BTG3: variants seen among roughly 807,000 people sequenced by gnomAD.
BTG3 encodes the protein protein BTG3.
BTG3 carries 4 observed loss-of-function variants against 25.8 expected under a neutral mutation model. That is an observed-to-expected ratio of 0.16 (90% CI 0.08 to 0.36). The LOEUF (loss-of-function observed/expected upper bound fraction) is 0.36, where lower values mean the gene tolerates loss of function less well. Ranked by LOEUF, BTG3 falls within the 10% of genes least tolerant of loss-of-function variation. The pLI is 1.00. For missense variants in BTG3, 201 were observed against 304.9 expected (o/e 0.66, Z 2.54); for synonymous variants, 107 against 99.9 (o/e 1.07, Z -0.42).
rs1304935740 is a variant in BTG3 at position 17,607,008 on chromosome 21, G to GA, written c.173+1963dup. Among the ~76,000 whole-genome samples, 6 of 152,108 alleles carry GA rather than the reference G, an allele frequency of 3.9e-5. No individual in the cohort carries two copies. In the South Asian group the frequency reaches 1.0e-3, roughly 26 times the overall value. On this transcript the variant is annotated intron_variant, in intron 2 of 4. Transcript: ENST00000348354. ...TTCAACTTACAAACATTTTGTAAGAGAAAGAACACTCCACCTATTCTACAG... is the reference window on the plus strand; with the variant it reads ...TTCAACTTACAAACATTTTGTAAGAGAAAAGAACACTCCACCTATTCTACAG...
At chr21:17,594,887 A>G (rs910325577) in intron 4 of BTG3, among the ~76,000 whole-genome samples, 1 of 152,024 alleles carries the variant, frequency 6.6e-6, no homozygotes, top group African/African-American at 2.4e-5. Context: ...AAAGATAACT[A>G]TTGAGTACTG....
rs2061684173 is a variant in BTG3, at chr21:17,609,095, C to T, written c.50G>A (p.Arg17Gln). The T allele has an allele frequency of 6.2e-7, 1 of 1,613,988 alleles. No individual in the cohort carries two copies. Among genetic ancestry groups the T allele is most frequent in the South Asian group, 1.1e-5 (1 of 91,054 alleles). Reference sequence around the variant, plus strand: ...CTCTTTTTTCAACTTATCATGTTTTCGAACTAGCCTTGTGAAAAAGAAGAC... The same window carrying T: ...CTCTTTTTTCAACTTATCATGTTTTTGAACTAGCCTTGTGAAAAAGAAGAC... ...AVVFFFTRLV[R>Q]KHDKLKKEAV... The change falls in exon 2 of 5, where the codon CGA (arginine) becomes CAA (glutamine). Residue 17 changes from arginine to glutamine, a missense_variant. Coordinates refer to ENST00000348354, the MANE Select transcript of BTG3 (RefSeq NM_006806.5).
In BTG3 at chr21:17,594,181, C is replaced by T. The variant is rs747776589; in HGVS notation, c.671G>A (p.Arg224His). The T allele has an allele frequency of 9.9e-6, 16 of 1,613,156 alleles. No homozygotes were observed. Among genetic ancestry groups the T allele is most frequent in the Admixed American group, 1.7e-5 (1 of 59,922 alleles). Residue 224 changes from arginine to histidine, a missense_variant, in exon 5 of 5, where the codon CGC becomes CAC. Arg to His is a conservative substitution (Grantham distance 29, BLOSUM62 0). Transcript: ENST00000348354. ...AGGTACCCATGTCACTGGAATTGGG[C>T]GATATGGTTTATTTTTTCTTCCCTG... ...PNQGRKNKPY[R>H]PIPVTWVPPP... is the part of the protein sequence containing the mutation.
Position 17,594,346 on chromosome 21 carries a change from A to C in BTG3, c.520-14T>G. The C allele has an allele frequency of 5.6e-6, 9 of 1,608,620 alleles. No homozygotes were observed. The highest frequency in any genetic ancestry group is 7.6e-6 in the Non-Finnish European group (9 of 1,177,652). ...AAGTTCTGAAATCTGTAGGGAAGAG[A>C]ACACATTAAGTTAATTCAAAGGAAA... On this transcript the variant is annotated splice_polypyrimidine_tract_variant and intron_variant, in intron 4 of 4. Coordinates refer to ENST00000348354, the MANE Select transcript of BTG3 (RefSeq NM_006806.5).
intron 4 of BTG3, among the ~76,000 whole-genome samples, chr21:17,594,552 A>T (rs959534481): frequency 1.3e-5 from 2 of 152,058 alleles, no homozygotes; most frequent in Non-Finnish European, 2.9e-5. Flanking sequence ...GAAATGAATA[A>T]ACTCAAACAC....
chr21:17,602,360 A>C (rs1318830319), intron 3 of BTG3, among the ~76,000 whole-genome samples: 4 of 152,170 alleles, frequency 2.6e-5, no homozygotes, highest in Non-Finnish European at 5.9e-5. Flanking sequence ...AGTGCATCTC[A>C]ATTTTTTTTT....
In BTG3 at chr21:17,598,697, A is replaced by G. The variant is rs11538273; in HGVS notation, c.439T>C (p.Ser147Pro). ...KVTSDYHSGS[S>P]SSDEETSKEM... ...TTACTTGTTTCTTCATCTGAAGAAG[A>G]GGATCCTGAATGATAATCAGAGGTA... Residue 147 changes from serine (S) to proline (P), a missense_variant, in exon 4 of 5, where the codon TCT becomes CCT. Coordinates refer to ENST00000348354, the MANE Select transcript of BTG3 (RefSeq NM_006806.5). 6.2e-7 allele frequency: 1 copy of G among 1,614,084 alleles called. No homozygotes were observed. Among genetic ancestry groups the G allele is most frequent in the Non-Finnish European group, 8.5e-7 (1 of 1,179,942 alleles).
At chr21:17,609,721 C>T (rs1180452531) in intron 1 of BTG3, among the ~76,000 whole-genome samples, 1 of 152,074 alleles carries the variant, frequency 6.6e-6, no homozygotes, top group African/African-American at 2.4e-5. Context: ...ACAGAAATGC[C>T]CATAGCAGTA....
At chr21:17,599,601 T>G (rs539711528) in intron 3 of BTG3, among the ~76,000 whole-genome samples, 1 of 151,826 alleles carries the variant, frequency 6.6e-6, no homozygotes, top group Non-Finnish European at 1.5e-5. Context: ...TGCCTCAGCC[T>G]CCTAAGTAGC....
chr21:17,603,132 T>G (rs2061595023), intron 3 of BTG3, among the ~76,000 whole-genome samples: 1 of 152,206 alleles, frequency 6.6e-6, no homozygotes, highest in South Asian at 2.1e-4. Flanking sequence ...AGGAGCCAAC[T>G]AGGATCTAAG....
chr21:17,604,238 TGA>T (rs1388703823), intron 3 of BTG3: 5 of 538,366 alleles, frequency 9.3e-6, no homozygotes, highest in Non-Finnish European at 1.2e-5. Flanking sequence ...GTCAGGAGTT[TGA>T]GAGCAGTCTG....
intron 4 of BTG3, among the ~76,000 whole-genome samples, chr21:17,595,697 A>G (rs1350718435): frequency 6.7e-6 from 1 of 148,220 alleles, no homozygotes; most frequent in East Asian, 1.9e-4. Flanking sequence ...TTAAAAAAAC[A>G]ATGATACACA....
chr21:17,609,712 C>G (rs1367801017), intron 1 of BTG3, among the ~76,000 whole-genome samples: 3 of 152,130 alleles, frequency 2.0e-5, no homozygotes, highest in African/African-American at 7.2e-5. Flanking sequence ...AAACCTTGTA[C>G]AGAAATGCCC....
intron 4 of BTG3, among the ~76,000 whole-genome samples, chr21:17,594,703 T>C (rs138332248): frequency 1.4e-4 from 21 of 152,058 alleles, no homozygotes; most frequent in African/African-American, 4.6e-4. Flanking sequence ...ATACAAAACA[T>C]TGGAGCTGGA....
chr21:17,602,081 A>G (rs1434826160), intron 3 of BTG3, among the ~76,000 whole-genome samples: 2 of 152,170 alleles, frequency 1.3e-5, no homozygotes, highest in East Asian at 1.9e-4. Context: ...TAAAACATCA[A>G]GGCTAATTTA....
In BTG3 at chr21:17,595,140, G is replaced by T. The variant is rs568864735; in HGVS notation, c.520-808C>A. On this transcript the variant is annotated intron_variant, in intron 4 of 4. Coordinates refer to ENST00000348354, the MANE Select transcript of BTG3 (RefSeq NM_006806.5). ...TTCTGATGTAGCCAGTTTAGTATTTGGGAATAATAGTTTTAGATTATCCCA... is the reference window on the plus strand; with the variant it reads ...TTCTGATGTAGCCAGTTTAGTATTTTGGAATAATAGTTTTAGATTATCCCA... 2.6e-5 allele frequency among the ~76,000 whole-genome samples: 4 copies of T among 152,070 alleles called. No homozygotes were observed. The South Asian group carries it at 8.3e-4, about 32-fold the overall frequency.
At chr21:17,608,093 A>G (rs999579029) in intron 2 of BTG3, among the ~76,000 whole-genome samples, 2 of 152,226 alleles carry the variant, frequency 1.3e-5, no homozygotes, top group Non-Finnish European at 2.9e-5. Flanking sequence ...TTGGCCAGGC[A>G]TGGTGGCTCA....
rs1055963322 is a variant in BTG3, at chr21:17,612,866, G to A, written c.-176C>T. On this transcript the variant is annotated 5_prime_UTR_variant, in exon 1 of 5. Coordinates refer to ENST00000348354, the MANE Select transcript of BTG3 (RefSeq NM_006806.5). The stretch of plus-strand genomic sequence containing the variant: ...GTCGTCGGGCGGCCAAGCGCGCGTT[G>A]AGAGGACTGGCGGGCGGACGAGCGC... 1.3e-5 allele frequency: 2 copies of A among 152,106 alleles called. No homozygotes were observed. Among genetic ancestry groups the A allele is most frequent in the Admixed American group, 6.5e-5 (1 of 15,272 alleles). 9.4% of individuals were successfully genotyped at this position (152,106 alleles called of 1,614,324 possible).
At chr21:17,604,249 TG>T (rs758755395) in intron 3 of BTG3, 7 of 412,876 alleles carry the variant, frequency 1.7e-5, no homozygotes, top group Non-Finnish European at 2.9e-5. Context: ...GAGAGCAGTC[TG>T]GCCAACATGG....
Sources: allele counts gnomAD v4.1 joint callset (sites outside exome capture counted in the v4.1 genomes callset), GRCh38; gene constraint gnomAD v4.1.1; transcripts MANE v1.5; gene names NCBI Gene and HGNC (gene_info 2026-07-23, HGNC 2026-07-21).